The following TMEM114 variants were observed in gnomAD, a reference collection of about 807,000 sequenced individuals.
The protein encoded by TMEM114 is transmembrane protein 114.
Under a neutral mutation model 6.2 loss-of-function variants are expected in TMEM114, and 6 were observed. The observed-to-expected ratio is 0.97, with a 90% CI of 0.53 to 1.91. The LOEUF (loss-of-function observed/expected upper bound fraction) is 1.91. Among genes scored for constraint, TMEM114 ranks in the 40% most tolerant of loss-of-function variants. The pLI, the probability that TMEM114 is intolerant of heterozygous loss-of-function variation, is 0.01. For missense variants in TMEM114, 218 were observed against 158.3 expected (o/e 1.38, Z -2.02); for synonymous variants, 104 against 73.0 (o/e 1.42, Z -2.16).
intron 2 of TMEM114, among the ~76,000 whole-genome samples, chr16:8,552,818 C>G (rs1293214943): frequency 6.6e-6 from 1 of 152,164 alleles, no homozygotes; most frequent in Non-Finnish European, 1.5e-5. Flanking sequence ...TGTTTCTGCA[C>G]AAACCCCTCC....
intron 2 of TMEM114, among the ~76,000 whole-genome samples, chr16:8,547,952 C>T (rs1271981306): frequency 6.6e-6 from 1 of 152,140 alleles, no homozygotes; most frequent in Non-Finnish European, 1.5e-5. Flanking sequence ...TCTGGATTTG[C>T]TGGGGCTGTG....
At chr16:8,528,499 GAGCATCTCC>G in the TMEM114 span, among the ~76,000 whole-genome samples, 1 of 152,128 alleles carries the variant, frequency 6.6e-6, no homozygotes, top group African/African-American at 2.4e-5. Flanking sequence ...CACCAAGGGG[GAGCATCTCC>G]TGGAAGCCAG....
the TMEM114 span, among the ~76,000 whole-genome samples, chr16:8,529,360 G>A: frequency 5.3e-5 from 8 of 152,272 alleles, no homozygotes; most frequent in African/African-American, 1.9e-4. Flanking sequence ...CCTCTCTCAT[G>A]TGCAGTTAAC....
At chr16:8,587,787 G>C (rs1259851226) in intron 2 of TMEM114, among the ~76,000 whole-genome samples, 1 of 152,184 alleles carries the variant, frequency 6.6e-6, no homozygotes, top group Non-Finnish European at 1.5e-5. Context: ...AGGCTGCAGT[G>C]AGCTAAGACC....
In TMEM114 at chr16:8,569,695, G is replaced by T; in HGVS notation, c.*78C>A. 6.8e-7 allele frequency: 1 copy of T among 1,464,296 alleles called. No individual in the cohort carries two copies. The highest frequency in any genetic ancestry group is 1.4e-5 in the African/African-American group (1 of 70,828). 90.7% of individuals were successfully genotyped at this position (1,464,296 alleles called of 1,614,324 possible). ...CCCGAGTGGCCTTTGAGGAAGAAGA[G>T]GCCGCAGCCGATGGAGATCGGTCGG... On this transcript the variant is annotated 3_prime_UTR_variant, in exon 4 of 4. Coordinates refer to ENST00000620492, the MANE Select transcript of TMEM114 (RefSeq NM_001146336.2).
the TMEM114 span, among the ~76,000 whole-genome samples, chr16:8,529,069 A>G: frequency 6.6e-6 from 1 of 152,196 alleles, no homozygotes; most frequent in Non-Finnish European, 1.5e-5. Flanking sequence ...GCTTTAGAGA[A>G]TCGTTCGGAG....
At chr16:8,581,340 T>G (rs1481234505) in intron 2 of TMEM114, among the ~76,000 whole-genome samples, 1 of 152,214 alleles carries the variant, frequency 6.6e-6, no homozygotes, top group Non-Finnish European at 1.5e-5. Context: ...CACCTATAAA[T>G]GTCTAGCCAT....
At chr16:8,531,142 A>G in the TMEM114 span, among the ~76,000 whole-genome samples, 1 of 152,364 alleles carries the variant, frequency 6.6e-6, no homozygotes, top group East Asian at 1.9e-4. Context: ...TTGAAAATGT[A>G]GACAACAACA....
intron 2 of TMEM114, among the ~76,000 whole-genome samples, chr16:8,541,224 C>A (rs1250234804): frequency 6.6e-6 from 1 of 152,100 alleles, no homozygotes; most frequent in Non-Finnish European, 1.5e-5. Flanking sequence ...AATGGGGAAA[C>A]AGGCTTGAGG....
At chr16:8,532,967 A>G (rs1900259574), downstream of TMEM114, among the ~76,000 whole-genome samples, 1 of 152,160 alleles carries the variant, frequency 6.6e-6, no homozygotes, top group Non-Finnish European at 1.5e-5. Flanking sequence ...TCATTCATTC[A>G]ACAGATGTTT....
At position 8,562,171 on chromosome 16, in the gene TMEM114, A is replaced by G. The variant is rs1361706565; in HGVS notation, n.213-24345T>C. 1.3e-5 allele frequency among the ~76,000 whole-genome samples: 2 copies of G among 151,660 alleles called. 1 individual carries two copies. Among genetic ancestry groups the G allele is most frequent in the African/African-American group, 4.9e-5 (2 of 41,020 alleles). ...TAGTGAATAAGTGAGTTAGTGAATG[A>G]GTGAATGAGTCAGTGAGTGAGTGAA... is the stretch of plus-strand genomic sequence containing the variant. On this transcript the variant is annotated intron_variant and non_coding_transcript_variant, in intron 2 of 2. Coordinates refer to the TMEM114 transcript ENST00000623677.
rs1902433124 is a variant in TMEM114 at position 8,589,897 on chromosome 16, C to A, written c.-59G>T. 2.8e-5 allele frequency: 11 copies of A among 393,834 alleles called. No homozygotes were observed. The highest frequency in any genetic ancestry group is 1.3e-4 in the South Asian group (1 of 7,618). 24.4% of individuals were successfully genotyped at this position (393,834 alleles called of 1,614,324 possible). On this transcript the variant is annotated 5_prime_UTR_variant, in exon 1 of 4. Transcript: ENST00000620492. ...GTGGCCGCGGCGCGACCCCTCTGCT[C>A]CTGCCCCCGTCCCCAGCCGGCCACC...
At position 8,562,526 on chromosome 16, in the gene TMEM114, T is replaced by TGAGTGAGTGAGTGAATGAGTGAGTGACTG. The variant is rs1465142445; in HGVS notation, n.213-24701_213-24700insCAGTCACTCACTCATTCACTCACTCACTC. Among the ~76,000 whole-genome samples, 29 of 127,264 alleles carry TGAGTGAGTGAGTGAATGAGTGAGTGACTG rather than the reference T, an allele frequency of 2.3e-4. 2 individuals are homozygous for TGAGTGAGTGAGTGAATGAGTGAGTGACTG. Among genetic ancestry groups the TGAGTGAGTGAGTGAATGAGTGAGTGACTG allele is most frequent in the Admixed American group, 9.3e-4 (12 of 12,944 alleles). 83.5% of individuals were successfully genotyped at this position (127,264 alleles called of 152,430 possible). ...TAAATGAGTGACTGAATGAGTGAGTTAATGAGTGAGTGAGTGAATGAGTGA... is the reference window on the plus strand; with the variant it reads ...TAAATGAGTGACTGAATGAGTGAGTTGAGTGAGTGAGTGAATGAGTGAGTGACTGAATGAGTGAGTGAGTGAATGAGTGA... On this transcript the variant is annotated intron_variant and non_coding_transcript_variant, in intron 2 of 2. Transcript: ENST00000623677.
chr16:8,550,496 T>C (rs1427840845), intron 2 of TMEM114, among the ~76,000 whole-genome samples: 2 of 151,900 alleles, frequency 1.3e-5, no homozygotes, highest in African/African-American at 4.8e-5. Flanking sequence ...CTGACCAACA[T>C]GGTGAAACCC....
chr16:8,575,381 G>C (rs899112945), intron 2 of TMEM114, among the ~76,000 whole-genome samples: 1 of 152,174 alleles, frequency 6.6e-6, no homozygotes, highest in South Asian at 2.1e-4. Context: ...TCTCTTGCAC[G>C]CATGTTGACA....
chr16:8,585,135 C>T (rs1371340935), intron 2 of TMEM114, among the ~76,000 whole-genome samples: 1 of 152,108 alleles, frequency 6.6e-6, no homozygotes, highest in Admixed American at 6.6e-5. Context: ...GGGGAACCCC[C>T]TTTATAAAAC....
downstream of TMEM114, among the ~76,000 whole-genome samples, chr16:8,567,990 C>A (rs953577307): frequency 6.6e-6 from 1 of 152,178 alleles, no homozygotes; most frequent in South Asian, 2.1e-4. Context: ...GTCGCAGCAA[C>A]GTCCTGAAAG....
At chr16:8,540,827 G>C (rs1211174372) in intron 2 of TMEM114, among the ~76,000 whole-genome samples, 1 of 152,220 alleles carries the variant, frequency 6.6e-6, no homozygotes, top group African/African-American at 2.4e-5. Flanking sequence ...AGAGATGTAG[G>C]ATGTTTCAAG....
At chr16:8,556,587 C>T (rs901463259) in intron 2 of TMEM114, among the ~76,000 whole-genome samples, 4 of 152,022 alleles carry the variant, frequency 2.6e-5, no homozygotes, top group Admixed American at 6.6e-5. Flanking sequence ...CTGCAACCTC[C>T]GCCTCCCGAG....
Sources: gnomAD v4.1 joint callset for allele counts (sites outside exome capture counted in the v4.1 genomes callset) on GRCh38, gnomAD v4.1.1 for gene constraint, MANE v1.5 for transcripts, NCBI Gene and HGNC (gene_info 2026-07-23, HGNC 2026-07-21) for gene names.